ARAP2: variants seen among roughly 807,000 people sequenced by gnomAD.
ARAP2 encodes ArfGAP with RhoGAP domain, ankyrin repeat and PH domain 2, also known as arf-GAP with Rho-GAP domain, ANK repeat and PH domain-containing protein 2.
ARAP2 carries 148 observed loss-of-function variants against 194.5 expected under a neutral mutation model. That is an observed-to-expected ratio of 0.76 (90% CI 0.67 to 0.87). The LOEUF (loss-of-function observed/expected upper bound fraction) is 0.87. Ranked by LOEUF, ARAP2 falls within the 40% of genes least tolerant of loss-of-function variation. The probability of loss-of-function intolerance (pLI) is 0.00; values close to 1 mark genes in which losing one functional copy is unlikely to be tolerated. For missense variants in ARAP2, 2,128 were observed against 1,989.7 expected (o/e 1.07, Z -1.32); for synonymous variants, 695 against 683.5 (o/e 1.02, Z -0.26).
chr4:36,040,475 C>T (rs1213525348), intron 5 of ARAP2, among the ~76,000 whole-genome samples: 1 of 152,116 alleles, frequency 6.6e-6, no homozygotes, highest in Non-Finnish European at 1.5e-5. Context: ...TATCCATGAG[C>T]ATAGGATGTT....
At chr4:36,018,903 G>T (rs1010809628) in intron 6 of ARAP2, among the ~76,000 whole-genome samples, 13 of 137,488 alleles carry the variant, frequency 9.5e-5, no homozygotes, top group Non-Finnish European at 1.8e-4. Flanking sequence ...GAATCTTTTT[G>T]AACAATGTGG....
intron 9 of ARAP2, among the ~76,000 whole-genome samples, chr4:36,172,135 C>T (rs1308092695): frequency 1.3e-5 from 2 of 152,114 alleles, no homozygotes; most frequent in Non-Finnish European, 2.9e-5. Flanking sequence ...TGTGATAGAA[C>T]GTAGGTTGTC....
chr4:36,057,941 AAAAT>A (rs1352616221), intron 2 of ARAP2: 1 of 151,632 alleles, frequency 6.6e-6, no homozygotes, highest in Non-Finnish European at 1.5e-5. Flanking sequence ...GAAAAAAAAA[AAAAT>A]AGAGAAGTTC....
In ARAP2 at chr4:36,133,293, A is replaced by T; in HGVS notation, c.3360T>A (p.Asp1120Glu). The T allele has an allele frequency of 1.2e-6, 2 of 1,611,444 alleles. No homozygotes were observed. Among genetic ancestry groups the T allele is most frequent in the Non-Finnish European group, 1.7e-6 (2 of 1,178,354 alleles). Residue 1120 changes from aspartate to glutamate, a missense_variant, in exon 20 of 33, where the codon GAT becomes GAA. Transcript: ENST00000303965. The part of the protein sequence containing the change: ...AAGTDGNALQ[D>E]QQLSKNDVPI... ...GAACGTCATTTTTGCTGAGCTGCTG[A>T]TCTTGTAAAGCATTACCATCTGTAC...
intron 5 of ARAP2, among the ~76,000 whole-genome samples, chr4:36,042,271 CATTA>C (rs1487577608): frequency 2.0e-5 from 3 of 152,064 alleles, no homozygotes; most frequent in African/African-American, 7.2e-5. Context: ...TTCACATGCA[CATTA>C]ATTATGTAAA....
intron 22 of ARAP2, among the ~76,000 whole-genome samples, chr4:36,122,688 T>C (rs963363335): frequency 6.6e-6 from 1 of 151,530 alleles, no homozygotes; most frequent in Non-Finnish European, 1.5e-5. Context: ...AAATAATCTG[T>C]ACAACAAACC....
chr4:36,028,637 GATTT>G (rs199675990), intron 5 of ARAP2, among the ~76,000 whole-genome samples: 2,056 of 150,244 alleles, frequency 0.014, 40 homozygotes, highest in African/African-American at 0.047. Flanking sequence ...TCAGTCTATT[GATTT>G]ATTAATTATG....
intron 2 of ARAP2, among the ~76,000 whole-genome samples, chr4:36,053,355 C>G (rs1379477233): frequency 6.6e-6 from 1 of 152,058 alleles, no homozygotes; most frequent in Non-Finnish European, 1.5e-5. Flanking sequence ...ATGAAATACA[C>G]CTATCTTAAG....
downstream of ARAP2, chr4:36,065,831 T>A (rs1357602128): frequency 6.6e-6 from 1 of 152,216 alleles, no homozygotes; most frequent in East Asian, 1.9e-4. Context: ...TCTCAGCAAG[T>A]GGGTCTTTAA....
chr4:36,025,873 T>TA (rs1219108488), intron 5 of ARAP2, among the ~76,000 whole-genome samples: 1 of 152,128 alleles, frequency 6.6e-6, no homozygotes, highest in Non-Finnish European at 1.5e-5. Context: ...AAGAGTATCT[T>TA]AAAAAATGGA....
In ARAP2 at chr4:36,192,181, T is replaced by G. The variant is rs980158792; in HGVS notation, c.1557+1397A>C. ...TCCAGTGTTTCTGTTTTTTTTTTTT[T>G]TTTTTTTTTTTTGCCAAAATGTAAC... On this transcript the variant is annotated intron_variant, in intron 7 of 32. Coordinates refer to ENST00000303965, the MANE Select transcript of ARAP2 (RefSeq NM_015230.4). Among the ~76,000 whole-genome samples the G allele has an allele frequency of 8.9e-4, 134 of 150,464 alleles. 1 individual carries two copies. The highest frequency in any genetic ancestry group is 1.5e-3 in the Non-Finnish European group (101 of 67,594).
chr4:36,073,605 G>T, intron 32 of ARAP2, 84 bp downstream of exon 32: 1 of 1,441,854 alleles, frequency 6.9e-7, no homozygotes, highest in Non-Finnish European at 9.4e-7. Context: ...TGAAGCCAAT[G>T]AAGTAATTAA....
At chr4:36,045,310 A>C (rs1329716876) in intron 5 of ARAP2, among the ~76,000 whole-genome samples, 1 of 152,204 alleles carries the variant, frequency 6.6e-6, no homozygotes, top group Non-Finnish European at 1.5e-5. Flanking sequence ...TCAGTGGATA[A>C]GTGGGTAAAA....
intron 6 of ARAP2, among the ~76,000 whole-genome samples, chr4:36,016,978 C>T (rs891162971): frequency 6.6e-5 from 10 of 151,998 alleles, no homozygotes; most frequent in Non-Finnish European, 1.0e-4. Context: ...TTCATTCTGC[C>T]CTTTCACTCT....
At chr4:36,056,464 G>A (rs1723528519) in intron 2 of ARAP2, among the ~76,000 whole-genome samples, 1 of 152,126 alleles carries the variant, frequency 6.6e-6, no homozygotes, top group Admixed American at 6.5e-5. Flanking sequence ...TATTTTGTTA[G>A]TTTTGGGAAA....
At chr4:36,196,596 C>T (rs1743160868) in intron 6 of ARAP2, among the ~76,000 whole-genome samples, 1 of 151,994 alleles carries the variant, frequency 6.6e-6, no homozygotes, top group South Asian at 2.1e-4. Context: ...TATGAAGGGA[C>T]AGGTAAATAA....
chr4:36,231,988 A>T (rs1416453583), intron 1 of ARAP2, among the ~76,000 whole-genome samples: 3 of 152,308 alleles, frequency 2.0e-5, no homozygotes, highest in Middle Eastern at 3.4e-3. Context: ...TGCAAGAGAC[A>T]CCAGAGAGTT....
At chr4:36,085,596 TG>T (rs1711573652) in intron 28 of ARAP2, among the ~76,000 whole-genome samples, 1 of 152,136 alleles carries the variant, frequency 6.6e-6, no homozygotes, top group African/African-American at 2.4e-5. Context: ...TTAGTTTTAC[TG>T]TATATCTTAA....
At chr4:36,238,692 T>G (rs1247865398) in intron 1 of ARAP2, among the ~76,000 whole-genome samples, 3 of 152,208 alleles carry the variant, frequency 2.0e-5, no homozygotes, top group Non-Finnish European at 2.9e-5. Flanking sequence ...CATTTACATT[T>G]AATTGCCTGA....
Sources: allele counts gnomAD v4.1 joint callset (sites outside exome capture counted in the v4.1 genomes callset), GRCh38; gene constraint gnomAD v4.1.1; transcripts MANE v1.5; gene names NCBI Gene and HGNC (gene_info 2026-07-23, HGNC 2026-07-21).